ELAVL1: variants seen among roughly 807,000 people sequenced by gnomAD.
ELAVL1 encodes the protein ELAV-like protein 1.
ELAVL1 carries 1 observed loss-of-function variant against 28.4 expected under a neutral mutation model. That is an observed-to-expected ratio of 0.04 (90% CI 0.01 to 0.17). The LOEUF (loss-of-function observed/expected upper bound fraction) is 0.17. Ranked by LOEUF, ELAVL1 falls within the 10% of genes least tolerant of loss-of-function variation. The pLI is 1.00. For missense variants in ELAVL1, 157 were observed against 447.2 expected, an observed-to-expected ratio of 0.35 and a Z score of 5.85; for synonymous variants, 174 against 183.5, an observed-to-expected ratio of 0.95 and a Z score of 0.42.
At chr19:7,973,000 A>G (rs568425014) in intron 4 of ELAVL1, 1 of 149,958 alleles carries the variant, frequency 6.7e-6, no homozygotes, top group Admixed American at 6.7e-5. Flanking sequence ...TTTAGTAGAG[A>G]TGGGGCTTCA....
chr19:7,972,062 C>T (rs1985128793), intron 4 of ELAVL1, among the ~76,000 whole-genome samples: 1 of 152,238 alleles, frequency 6.6e-6, no homozygotes, highest in African/African-American at 2.4e-5. Flanking sequence ...GTTATTTCAA[C>T]ATCACAGCCA....
chr19:7,977,799 A>G (rs1341864057), intron 3 of ELAVL1, among the ~76,000 whole-genome samples: 1 of 152,256 alleles, frequency 6.6e-6, no homozygotes, highest in Non-Finnish European at 1.5e-5. Flanking sequence ...GGATGAGCAC[A>G]AGGCTCCAGG....
rs118172551 is a variant in ELAVL1, at chr19:8,004,485, T to C, written c.-17+1010A>G. Among the ~76,000 whole-genome samples, 714 of 152,204 alleles carry C rather than the reference T, an allele frequency of 4.7e-3. 6 individuals carry two copies. Among genetic ancestry groups the C allele is most frequent in the East Asian group, 0.025 (129 of 5,186 alleles). ...TGGAGATACTTTTGATCCTCACGAC[T>C]TGGAGCATGGGGATACTGCTGGCAT... On this transcript the variant is annotated intron_variant, in intron 1 of 5. Transcript: ENST00000407627.
Position 7,982,350 on chromosome 19 carries a change from C to T in ELAVL1, c.173-1164G>A, listed in dbSNP as rs761492408. On this transcript the variant is annotated intron_variant, in intron 2 of 5. Transcript: ENST00000407627. The surrounding 1 kb of genome is among the most constrained non-coding windows in gnomAD (Gnocchi z 4.3). Reference sequence around the variant, plus strand: ...GCCTCACCCAGCACTGCTCCATTCCCCCAGCCGGCAGAGCGCGACAACGAG... The same window carrying T: ...GCCTCACCCAGCACTGCTCCATTCCTCCAGCCGGCAGAGCGCGACAACGAG... Among the ~76,000 whole-genome samples the T allele has an allele frequency of 3.2e-4, 48 of 152,180 alleles. No homozygotes were observed. Among genetic ancestry groups the T allele is most frequent in the Admixed American group, 7.2e-4 (11 of 15,270 alleles).
chr19:7,963,427 G>T lies in ELAVL1; in HGVS notation c.*56C>A. The T allele has an allele frequency of 6.5e-7, 1 of 1,540,902 alleles. No individual in the cohort carries two copies. The highest frequency in any genetic ancestry group is 8.8e-7 in the Non-Finnish European group (1 of 1,142,528). On this transcript the variant is annotated 3_prime_UTR_variant, in exon 6 of 6. Coordinates refer to ENST00000407627, the MANE Select transcript of ELAVL1 (RefSeq NM_001419.3). This position sits in a 1 kb window ranked among gnomAD's most constrained non-coding sequence, Gnocchi z 4.5. Reference sequence around the variant, plus strand: ...AATGAGTTGTACACTAACAAGAAAAGTTTCAACTCCTTCACTCTTAATTAT... The same window carrying T: ...AATGAGTTGTACACTAACAAGAAAATTTTCAACTCCTTCACTCTTAATTAT...
At chr19:8,002,990 TC>T in intron 1 of ELAVL1, among the ~76,000 whole-genome samples, 1 of 152,110 alleles carries the variant, frequency 6.6e-6, no homozygotes, top group Middle Eastern at 3.2e-3. Context: ...AGAACAGAAC[TC>T]CTGCTGGAGT....
rs1195022505 is a variant in ELAVL1 at position 7,971,360 on chromosome 19, C to T, written c.430+2365G>A. Among the ~76,000 whole-genome samples, 5 of 152,268 alleles carry T rather than the reference C, an allele frequency of 3.3e-5. No individual in the cohort carries two copies. In the South Asian group the frequency reaches 6.2e-4, roughly 19 times the overall value. ...AGGGCCATACTGGACACAGACAGGCCGAGGCAGAGCAGTGCATGTGGGGTC... is the reference window on the plus strand; with the variant it reads ...AGGGCCATACTGGACACAGACAGGCTGAGGCAGAGCAGTGCATGTGGGGTC... On this transcript the variant is annotated intron_variant, in intron 4 of 5. Transcript: ENST00000407627.
chr19:7,995,672 C>A (rs985028964), intron 1 of ELAVL1, among the ~76,000 whole-genome samples: 5 of 151,980 alleles, frequency 3.3e-5, no homozygotes, highest in Admixed American at 3.3e-4. Flanking sequence ...CAAAAAAAAT[C>A]TGCCGACCTC....
At chr19:7,996,637 C>A (rs1175698040) in intron 1 of ELAVL1, among the ~76,000 whole-genome samples, 1 of 151,814 alleles carries the variant, frequency 6.6e-6, no homozygotes, top group Non-Finnish European at 1.5e-5. Flanking sequence ...GAAACCCCAT[C>A]TCTACAAAAA....
At position 7,959,105 on chromosome 19, in the gene ELAVL1, GCTTTT is replaced by G. The variant is rs1394724109; in HGVS notation, c.*4373_*4377del. On this transcript the variant is annotated 3_prime_UTR_variant, in exon 6 of 6. Coordinates refer to ENST00000407627, the MANE Select transcript of ELAVL1 (RefSeq NM_001419.3). ...ATGGGCTGATGGAAAACTGATAAGGGCTTTTCTTTTTTTTTTTCTGAAAATAATTT... is the reference window on the plus strand; with the variant it reads ...ATGGGCTGATGGAAAACTGATAAGGGCTTTTTTTTTTTCTGAAAATAATTT... The G allele has an allele frequency of 1.3e-5, 2 of 151,920 alleles. No homozygotes were observed. Among genetic ancestry groups the G allele is most frequent in the Non-Finnish European group, 1.5e-5 (1 of 67,778 alleles). The allele number at this position is 151,920 out of a possible 1,614,324, so 9.4% of individuals were successfully genotyped here. A position where few individuals can be genotyped will look rare whatever the true frequency, so the allele number is the denominator to read the frequency against.
chr19:7,993,964 C>G (rs1985816887), intron 1 of ELAVL1, among the ~76,000 whole-genome samples: 1 of 152,196 alleles, frequency 6.6e-6, no homozygotes, highest in Admixed American at 6.5e-5. Flanking sequence ...TCCCTACCCT[C>G]CTACTAGTCT....
rs547445161 is a variant in ELAVL1 at position 7,967,183 on chromosome 19, G to A, written c.656+382C>T. On this transcript the variant is annotated intron_variant, in intron 5 of 5. Transcript: ENST00000407627. ...CCTGAGTTGCTGCAACTACAGGAGCGCACCGCCATGCCTGGCCAGCTTTGT... is the reference window on the plus strand; with the variant it reads ...CCTGAGTTGCTGCAACTACAGGAGCACACCGCCATGCCTGGCCAGCTTTGT... Among the ~76,000 whole-genome samples, 6 of 152,168 alleles carry A rather than the reference G, an allele frequency of 3.9e-5. No homozygotes were observed. In the South Asian group the frequency reaches 8.3e-4, roughly 21 times the overall value.
At position 7,959,765 on chromosome 19, in the gene ELAVL1, C is replaced by G. The variant is rs538050408; in HGVS notation, c.*3718G>C. 1 of 152,262 alleles carries G rather than the reference C, an allele frequency of 6.6e-6. No homozygotes were observed. Among genetic ancestry groups the G allele is most frequent in the Admixed American group, 6.5e-5 (1 of 15,288 alleles). The allele number at this position is 152,262 out of a possible 1,614,324, so 9.4% of individuals were successfully genotyped here. On this transcript the variant is annotated 3_prime_UTR_variant, in exon 6 of 6. Coordinates refer to ENST00000407627, the MANE Select transcript of ELAVL1 (RefSeq NM_001419.3). ...AAAGCACTTGTGACTTCAGGGCTGT[C>G]TTGCGAAGTTTGGGGACAGGAACCC...
intron 1 of ELAVL1, among the ~76,000 whole-genome samples, chr19:7,995,446 T>C (rs750990477): frequency 3.9e-5 from 6 of 152,178 alleles, no homozygotes; most frequent in Non-Finnish European, 7.3e-5. Context: ...CCTCTAGGTC[T>C]GGGAAAAGTG....
chr19:7,985,736 A>C (rs1985583451), intron 2 of ELAVL1, among the ~76,000 whole-genome samples: 1 of 152,228 alleles, frequency 6.6e-6, no homozygotes, highest in Admixed American at 6.5e-5. Flanking sequence ...GGAAGCAGGA[A>C]GGAGACTGGC....
intron 2 of ELAVL1, among the ~76,000 whole-genome samples, chr19:7,988,431 A>G (rs17160100): frequency 1.3e-5 from 2 of 152,140 alleles, no homozygotes; most frequent in African/African-American, 4.8e-5. Flanking sequence ...CCTCTGGCAT[A>G]ACCGGCTGAG....
intron 3 of ELAVL1, among the ~76,000 whole-genome samples, chr19:7,978,866 A>G (rs920646793): frequency 3.9e-5 from 6 of 152,200 alleles, no homozygotes; most frequent in African/African-American, 1.4e-4. Flanking sequence ...ACTGCAGGAC[A>G]CCAGGTGGCA....
intron 1 of ELAVL1, among the ~76,000 whole-genome samples, chr19:8,001,518 C>T (rs932352942): frequency 4.6e-5 from 7 of 152,224 alleles, no homozygotes; most frequent in Non-Finnish European, 1.0e-4. Flanking sequence ...CACTCCCCTT[C>T]CTTGAGTCTG....
Position 7,992,260 on chromosome 19 carries a change from T to C in ELAVL1, c.-16-429A>G, listed in dbSNP as rs182580996. Among the ~76,000 whole-genome samples, 559 of 152,278 alleles carry C rather than the reference T, an allele frequency of 3.7e-3. 4 individuals are homozygous for C. The highest frequency in any genetic ancestry group is 5.5e-3 in the Non-Finnish European group (375 of 68,022). The stretch of plus-strand genomic sequence containing the variant: ...CTGGCCCTGCACTTAGAGATTCTTT[T>C]CTATGCTGCATGTTAACTTACAGCC... On this transcript the variant is annotated intron_variant, in intron 1 of 5. Transcript: ENST00000407627.
Sources: allele counts gnomAD v4.1 joint callset (sites outside exome capture counted in the v4.1 genomes callset), GRCh38; gene constraint gnomAD v4.1.1; non-coding constraint Gnocchi (gnomAD v3.1); transcripts MANE v1.5; gene names NCBI Gene and HGNC (gene_info 2026-07-23, HGNC 2026-07-21).